The following CSTPP1 variants were observed in gnomAD, a reference collection of about 807,000 sequenced individuals.
CSTPP1 encodes the protein UPF0705 protein C11orf49.
chr11:46,938,928 C>T, the CSTPP1 span, among the ~76,000 whole-genome samples: 4 of 151,612 alleles, frequency 2.6e-5, no homozygotes, highest in African/African-American at 9.7e-5. Flanking sequence ...AGGCACATGC[C>T]ACCATCCCTG....
the CSTPP1 span, among the ~76,000 whole-genome samples, chr11:46,998,111 C>T: frequency 1.2e-4 from 19 of 152,182 alleles, no homozygotes; most frequent in African/African-American, 4.6e-4. Flanking sequence ...CGGAAATCAC[C>T]CGTCTTCTGC....
At chr11:47,072,470 A>G in the CSTPP1 span, among the ~76,000 whole-genome samples, 4 of 152,246 alleles carry the variant, frequency 2.6e-5, no homozygotes, top group Admixed American at 2.0e-4. Context: ...AGGCCATCCA[A>G]TTGAGATGAA....
At chr11:46,992,225 TA>T in the CSTPP1 span, among the ~76,000 whole-genome samples, 6 of 152,002 alleles carry the variant, frequency 3.9e-5, no homozygotes, top group African/African-American at 1.4e-4. Context: ...TTTCTTTTTT[TA>T]TTTTTTTTAT....
the CSTPP1 span, among the ~76,000 whole-genome samples, chr11:47,007,922 T>TA: frequency 6.6e-6 from 1 of 152,152 alleles, no homozygotes; most frequent in Non-Finnish European, 1.5e-5. Flanking sequence ...CTTTAGGGTT[T>TA]ACCAGAGTCC....
chr11:46,970,611 G>A, the CSTPP1 span, among the ~76,000 whole-genome samples: 2 of 151,878 alleles, frequency 1.3e-5, no homozygotes, highest in Admixed American at 1.3e-4. Context: ...AATTGATATA[G>A]ATCTGTAAGG....
At chr11:46,962,682 T>C in the CSTPP1 span, among the ~76,000 whole-genome samples, 2 of 152,262 alleles carry the variant, frequency 1.3e-5, no homozygotes, top group South Asian at 4.1e-4. Context: ...TTCATTTTTA[T>C]ATTATCATAG....
At chr11:47,007,653 G>A in the CSTPP1 span, among the ~76,000 whole-genome samples, 1 of 150,564 alleles carries the variant, frequency 6.6e-6, no homozygotes, top group African/African-American at 2.4e-5. Flanking sequence ...CTTATCTTGT[G>A]TTATACTTTT....
chr11:47,043,002 A>G, the CSTPP1 span, among the ~76,000 whole-genome samples: 4 of 152,182 alleles, frequency 2.6e-5, no homozygotes, highest in Non-Finnish European at 5.9e-5. Flanking sequence ...CCATGTATAA[A>G]ATTAATATAA....
At chr11:47,107,253 A>G in the CSTPP1 span, among the ~76,000 whole-genome samples, 1 of 152,334 alleles carries the variant, frequency 6.6e-6, no homozygotes, top group South Asian at 2.1e-4. Flanking sequence ...GGATGGTATT[A>G]TTAAAGAGTG....
chr11:46,953,260 A>C, the CSTPP1 span, among the ~76,000 whole-genome samples: 1 of 152,156 alleles, frequency 6.6e-6, no homozygotes, highest in Non-Finnish European at 1.5e-5. Context: ...GATTCGTTTC[A>C]AGAAGTTTGA....
chr11:46,956,553 A>G, the CSTPP1 span, among the ~76,000 whole-genome samples: 1,404 of 152,166 alleles, frequency 9.2e-3, 23 homozygotes, highest in African/African-American at 0.03. Flanking sequence ...ACACCACCCA[A>G]TGCGTTCTAT....
the CSTPP1 span, among the ~76,000 whole-genome samples, chr11:47,153,524 G>A: frequency 6.6e-6 from 1 of 152,210 alleles, no homozygotes; most frequent in Non-Finnish European, 1.5e-5. Flanking sequence ...GTGGCCTGTG[G>A]AGTCCAGCAA....
chr11:47,117,862 C>T, the CSTPP1 span, among the ~76,000 whole-genome samples: 350 of 148,280 alleles, frequency 2.4e-3, 2 homozygotes, highest in African/African-American at 8.4e-3. Context: ...CTTGTCTTCT[C>T]GCTGTATTTC....
chr11:47,042,668 A>C, the CSTPP1 span, among the ~76,000 whole-genome samples: 1 of 151,936 alleles, frequency 6.6e-6, no homozygotes, highest in Non-Finnish European at 1.5e-5. Flanking sequence ...AATAAAAAAA[A>C]TTGCTCAATG....
the CSTPP1 span, among the ~76,000 whole-genome samples, chr11:47,084,300 G>T: frequency 1.3e-5 from 2 of 152,110 alleles, no homozygotes; most frequent in African/African-American, 4.8e-5. Flanking sequence ...ACACATTCTG[G>T]TTACAAGTTA....
chr11:47,120,678 T>A, the CSTPP1 span, among the ~76,000 whole-genome samples: 1 of 152,232 alleles, frequency 6.6e-6, no homozygotes, highest in African/African-American at 2.4e-5. The surrounding 1 kb of genome is among the most constrained non-coding windows in gnomAD (Gnocchi z 4.2). Flanking sequence ...TCGAATGTGC[T>A]TGCCTCTTGC....
At chr11:46,995,789 A>T in the CSTPP1 span, among the ~76,000 whole-genome samples, 47 of 152,294 alleles carry the variant, frequency 3.1e-4, 1 homozygote, top group Admixed American at 1.2e-3. Context: ...GATGTCTACT[A>T]GGTCTGCTTG....
chr11:47,089,353 C>T, the CSTPP1 span, among the ~76,000 whole-genome samples: 4 of 151,924 alleles, frequency 2.6e-5, no homozygotes, highest in African/African-American at 7.3e-5. Flanking sequence ...CCATAATGCC[C>T]ATCATTAGCC....
chr11:47,133,069 G>A, the CSTPP1 span, among the ~76,000 whole-genome samples: 1 of 152,192 alleles, frequency 6.6e-6, no homozygotes, highest in Admixed American at 6.5e-5. Context: ...CTGAGGCATG[G>A]AGAGCTTAAA....
Sources: gnomAD v4.1 joint callset for allele counts (sites outside exome capture counted in the v4.1 genomes callset) on GRCh38, gnomAD v4.1.1 for gene constraint, Gnocchi (gnomAD v3.1) non-coding constraint, MANE v1.5 for transcripts, NCBI Gene and HGNC (gene_info 2026-07-23, HGNC 2026-07-21) for gene names.